Variants in CAPZA2 observed in about 807,000 individuals in gnomAD.
The protein encoded by CAPZA2 is F-actin-capping protein subunit alpha-2.
In CAPZA2, 13 loss-of-function variants were observed where a neutral mutation model predicts 44.0. That is an observed-to-expected ratio of 0.30 (90% CI 0.19 to 0.47). The LOEUF (loss-of-function observed/expected upper bound fraction) is 0.47, where lower values mean the gene tolerates loss of function less well. Ranked by LOEUF, CAPZA2 falls within the 20% of genes least tolerant of loss-of-function variation. The pLI, the probability that CAPZA2 is intolerant of heterozygous loss-of-function variation, is 1.00. For missense variants in CAPZA2, 244 were observed against 338.6 expected (o/e 0.72, Z 2.19); for synonymous variants, 94 against 108.2 (o/e 0.87, Z 0.81).
At chr7:116,878,746 T>A (rs1354655736) in intron 1 of CAPZA2, among the ~76,000 whole-genome samples, 1 of 152,110 alleles carries the variant, frequency 6.6e-6, no homozygotes, top group Non-Finnish European at 1.5e-5. Context: ...AACACAGTAA[T>A]ACATGGGCAT....
intron 6 of CAPZA2, among the ~76,000 whole-genome samples, chr7:116,907,312 G>A (rs1250355635): frequency 6.6e-6 from 1 of 152,140 alleles, no homozygotes; most frequent in Admixed American, 6.5e-5. Context: ...TTAATGACTA[G>A]CCACAGTTCC....
intron 3 of CAPZA2, among the ~76,000 whole-genome samples, chr7:116,893,630 T>C (rs1796881113): frequency 6.6e-6 from 1 of 152,236 alleles, no homozygotes; most frequent in African/African-American, 2.4e-5. Flanking sequence ...TATTTTGGCA[T>C]TTGCAAAGTT....
At chr7:116,913,555 T>G (rs1189311286) in intron 8 of CAPZA2, among the ~76,000 whole-genome samples, 1 of 152,166 alleles carries the variant, frequency 6.6e-6, no homozygotes, top group African/African-American at 2.4e-5. Context: ...CACAGAATTC[T>G]TTCACACATT....
At chr7:116,885,078 G>A (rs1796744997) in intron 1 of CAPZA2, among the ~76,000 whole-genome samples, 1 of 152,084 alleles carries the variant, frequency 6.6e-6, no homozygotes, top group Admixed American at 6.6e-5. Flanking sequence ...TCTGCTTACT[G>A]TTTTCTTACT....
intron 8 of CAPZA2, among the ~76,000 whole-genome samples, chr7:116,913,889 G>GT: frequency 1.3e-5 from 2 of 149,104 alleles, no homozygotes; most frequent in Admixed American, 6.8e-5. Flanking sequence ...TTGGCTTTTG[G>GT]TTTTTTTGCC....
At chr7:116,862,724 T>A (rs1796432806) in intron 1 of CAPZA2, 74 bp downstream of exon 1, 8 of 1,465,786 alleles carry the variant, frequency 5.5e-6, no homozygotes, top group Non-Finnish European at 7.3e-6. Context: ...CGGAGTCTGG[T>A]CGCGGGGGAA....
At chr7:116,892,881 A>G (rs1796867849) in intron 2 of CAPZA2, 113 bp from the exon 3 acceptor site, 1 of 445,946 alleles carries the variant, frequency 2.2e-6, no homozygotes, top group African/African-American at 2.2e-5. Flanking sequence ...TGATATTTTG[A>G]TCTTGCTTGT....
intron 1 of CAPZA2, chr7:116,875,536 A>AG (rs1214025269): frequency 7.0e-6 from 1 of 142,600 alleles, no homozygotes; most frequent in African/African-American, 2.5e-5. Flanking sequence ...AATAAATTGG[A>AG]GGGTTTTTTT....
chr7:116,908,937 AGAATACAGGTT>A (rs1018753935), intron 6 of CAPZA2, among the ~76,000 whole-genome samples: 54 of 152,182 alleles, frequency 3.5e-4, no homozygotes, highest in African/African-American at 1.3e-3. Context: ...TGTAAGTATG[AGAATACAGGTT>A]GAATATCTCT....
chr7:116,900,444 G>A (rs1000426263), intron 4 of CAPZA2, among the ~76,000 whole-genome samples: 1 of 151,636 alleles, frequency 6.6e-6, no homozygotes, highest in Admixed American at 6.6e-5. Context: ...AAGAATTTGG[G>A]GAGATGTCTG....
chr7:116,903,107 A>C (rs1797016796), intron 4 of CAPZA2, among the ~76,000 whole-genome samples: 1 of 152,242 alleles, frequency 6.6e-6, no homozygotes, highest in Admixed American at 6.5e-5. Context: ...TTGGCAGACT[A>C]AATTATGTTA....
At position 116,914,432 on chromosome 7, in the gene CAPZA2, TACACACACACACACACACACACACAC is replaced by T. The variant is rs71148345; in HGVS notation, c.658-1615_658-1590del. ...TAAGCTATATTTACATATACATACA[TACACACACACACACACACACACACAC>T]ACACACACACACGTATTTTTTTGAG... On this transcript the variant is annotated intron_variant, in intron 8 of 9. Coordinates refer to ENST00000361183, the MANE Select transcript of CAPZA2 (RefSeq NM_006136.3). Among the ~76,000 whole-genome samples, 944 of 145,232 alleles carry T rather than the reference TACACACACACACACACACACACACAC, an allele frequency of 6.5e-3. 8 individuals carry two copies. Among genetic ancestry groups the T allele is most frequent in the African/African-American group, 0.02 (791 of 39,066 alleles).
chr7:116,909,850 A>G (rs2115972246), intron 6 of CAPZA2: 1 of 193,016 alleles, frequency 5.2e-6, no homozygotes, highest in Non-Finnish European at 1.1e-5. Context: ...TTAGTTTTGT[A>G]TTGGTTTTTG....
At chr7:116,882,163 A>C (rs1796710757) in intron 1 of CAPZA2, among the ~76,000 whole-genome samples, 1 of 152,226 alleles carries the variant, frequency 6.6e-6, no homozygotes, top group African/African-American at 2.4e-5. Context: ...TTAGTAATTA[A>C]GTGTCACCTG....
At chr7:116,863,374 GC>G (rs3840636) in intron 1 of CAPZA2, among the ~76,000 whole-genome samples, 13 of 150,772 alleles carry the variant, frequency 8.6e-5, no homozygotes, top group South Asian at 4.2e-4. Context: ...GTTGGCAGCA[GC>G]CCCCCCCCGG....
At chr7:116,900,024 G>A (rs1796977006) in intron 4 of CAPZA2, among the ~76,000 whole-genome samples, 1 of 151,052 alleles carries the variant, frequency 6.6e-6, no homozygotes, top group African/African-American at 2.4e-5. Context: ...AAGACATATT[G>A]GTCTTACATA....
intron 1 of CAPZA2, among the ~76,000 whole-genome samples, chr7:116,883,344 G>A (rs1323877540): frequency 6.6e-6 from 1 of 152,048 alleles, no homozygotes; most frequent in Non-Finnish European, 1.5e-5. Flanking sequence ...TAAAGTCAGC[G>A]AGGAGGAATG....
At chr7:116,890,525 A>AAATATAT (rs1554409611) in intron 2 of CAPZA2, among the ~76,000 whole-genome samples, 1 of 27,222 alleles carries the variant, frequency 3.7e-5, no homozygotes, top group East Asian at 1.4e-3. Flanking sequence ...AAAAAAAAAA[A>AAATATAT]ATATATATAT....
intron 6 of CAPZA2, among the ~76,000 whole-genome samples, chr7:116,908,931 AGTAT>A (rs1791550691): frequency 6.6e-6 from 1 of 152,178 alleles, no homozygotes; most frequent in Admixed American, 6.5e-5. Flanking sequence ...TGTAACTGTA[AGTAT>A]GAGAATACAG....
Sources: gnomAD v4.1 joint callset for allele counts (sites outside exome capture counted in the v4.1 genomes callset) on GRCh38, gnomAD v4.1.1 for gene constraint, MANE v1.5 for transcripts, NCBI Gene and HGNC (gene_info 2026-07-23, HGNC 2026-07-21) for gene names.